FANCA: variants seen among roughly 807,000 people sequenced by gnomAD.
The protein encoded by FANCA is FA complementation group A, also known as Fanconi anemia group A protein.
In FANCA, 236 loss-of-function variants were observed where a neutral mutation model predicts 194.3. That is an observed-to-expected ratio of 1.21 (90% confidence interval 1.09 to 1.35). FANCA has a LOEUF of 1.35. Among genes scored for constraint, FANCA ranks in the 40% most tolerant of loss-of-function variants. The pLI is 0.00. For synonymous variants in FANCA, 1,014 were observed against 715.8 expected, an observed-to-expected ratio of 1.42 and a Z score of -6.65; for missense variants, 2,628 against 1,813.9, an observed-to-expected ratio of 1.45 and a Z score of -8.15.
chr16:89,745,279 C>T (rs533760723), intron 35 of FANCA, among the ~76,000 whole-genome samples: 2 of 152,342 alleles, frequency 1.3e-5, no homozygotes, highest in Non-Finnish European at 2.9e-5. Flanking sequence ...TCATGGAAGA[C>T]GTGGAATTTG....
chr16:89,771,872 G>A (rs1456149279), intron 22 of FANCA, 58 bp from the exon 23 acceptor site: 2 of 1,602,634 alleles, frequency 1.2e-6, no homozygotes, highest in African/African-American at 1.3e-5. Context: ...GGATACAGCT[G>A]CGGCCTAGAG....
At chr16:89,813,267 G>C (rs865836754) in intron 3 of FANCA, among the ~76,000 whole-genome samples, 7 of 152,004 alleles carry the variant, frequency 4.6e-5, no homozygotes, top group South Asian at 2.1e-4. Context: ...AATTAGCCAG[G>C]CATGGTGGCG....
intron 26 of FANCA, among the ~76,000 whole-genome samples, chr16:89,767,589 G>A (rs776760023): frequency 2.6e-5 from 4 of 151,750 alleles, no homozygotes; most frequent in African/African-American, 9.7e-5. Context: ...TTGCTCTGTT[G>A]CCAAGCCGGA....
chr16:89,739,705 CCTGT>C, intron 39 of FANCA, 152 bp from the exon 40 acceptor site: 1 of 1,511,222 alleles, frequency 6.6e-7, no homozygotes, highest in Non-Finnish European at 8.9e-7. Flanking sequence ...TACCCAGGTA[CCTGT>C]CAGCAGCTGG....
rs764209186 is a variant in FANCA at position 89,795,917 on chromosome 16, G to A, written c.995C>T (p.Pro332Leu). The stretch of plus-strand genomic sequence containing the variant: ...CACACTGGGCCTACCTTTCAGCACA[G>A]GGCTGTGAGTGAGTATCTGAGTCAG... ...HTLTQILTHS[P>L]VLKASDAVQM... The change falls in exon 11 of 43, where the codon CCT becomes CTT. Residue 332 changes from proline (P) to leucine (L), a missense_variant. Coordinates refer to ENST00000389301, the MANE Select transcript of FANCA (RefSeq NM_000135.4). 1 of 1,613,248 alleles carries A rather than the reference G, an allele frequency of 6.2e-7. No homozygotes were observed. Among genetic ancestry groups the A allele is most frequent in the African/African-American group, 1.3e-5 (1 of 74,902 alleles).
chr16:89,762,520 G>A (rs962131422), intron 28 of FANCA: 15 of 222,774 alleles, frequency 6.7e-5, no homozygotes, highest in Non-Finnish European at 1.3e-4. Context: ...CTTGAGCCCA[G>A]GAGGTCAAGG....
At chr16:89,796,323 C>T (rs2143561027) in intron 10 of FANCA, among the ~76,000 whole-genome samples, 1 of 152,288 alleles carries the variant, frequency 6.6e-6, no homozygotes, top group African/African-American at 2.4e-5. Context: ...TTGGGAAGGG[C>T]AGGCCGCGCC....
chr16:89,752,662 C>G (rs1598082022), intron 30 of FANCA, among the ~76,000 whole-genome samples: 1 of 152,128 alleles, frequency 6.6e-6, no homozygotes, highest in Non-Finnish European at 1.5e-5. Context: ...CTAGGAAAAA[C>G]CAGGCCATAC....
intron 14 of FANCA, among the ~76,000 whole-genome samples, chr16:89,790,129 C>A (rs547288655): frequency 1.3e-5 from 2 of 152,310 alleles, no homozygotes; most frequent in East Asian, 3.9e-4. Context: ...AGGCTGGGCA[C>A]GGTGGCTCAT....
chr16:89,813,581 C>T (rs1213766273), intron 3 of FANCA, among the ~76,000 whole-genome samples: 1 of 152,022 alleles, frequency 6.6e-6, no homozygotes, highest in Non-Finnish European at 1.5e-5. Context: ...TACAGGCACC[C>T]ACCACCACAC....
In FANCA at chr16:89,743,026, T is replaced by G. The variant is rs1055948131; in HGVS notation, c.3627-88A>C. The G allele has an allele frequency of 2.7e-6, 4 of 1,479,852 alleles. No homozygotes were observed. In the African/African-American group the frequency reaches 5.6e-5, roughly 21 times the overall value. 91.7% of individuals were successfully genotyped at this position (1,479,852 alleles called of 1,614,324 possible). A position where few individuals can be genotyped will look rare whatever the true frequency, so the allele number is the denominator to read the frequency against. Reference sequence around the variant, plus strand: ...CAAGTCCTTATTCCCACCTGTCACCTTTGGGGCCTGCCTTTCCATCAGAGG... The same window carrying G: ...CAAGTCCTTATTCCCACCTGTCACCGTTGGGGCCTGCCTTTCCATCAGAGG... On this transcript the variant is annotated intron_variant, in intron 36 of 42. Coordinates refer to ENST00000389301, the MANE Select transcript of FANCA (RefSeq NM_000135.4).
Position 89,810,983 on chromosome 16 carries a change from G to C in FANCA, c.372C>G (p.Ile124Met), listed in dbSNP as rs765016775. The C allele has an allele frequency of 2.5e-6, 4 of 1,614,114 alleles. No homozygotes were observed. The highest frequency in any genetic ancestry group is 2.2e-5 in the East Asian group (1 of 44,892). The part of the protein sequence containing the change: ...AGMVASSVGQ[I>M]CTAPAETSHP... ...GACTGGTCTCCGCTGGAGCCGTGCA[G>C]ATCTGTCCCACGCTAGAGGCAACCA... Residue 124 changes from isoleucine (I) to methionine (M), a missense_variant, in exon 4 of 43, where the codon ATC becomes ATG. Transcript: ENST00000389301.
In FANCA at chr16:89,738,134, C is replaced by T. The variant is rs766890599; in HGVS notation, c.*467G>A. The T allele has an allele frequency of 1.3e-5, 21 of 1,613,714 alleles. No homozygotes were observed. Among genetic ancestry groups the T allele is most frequent in the East Asian group, 8.9e-5 (4 of 44,872 alleles). On this transcript the variant is annotated 3_prime_UTR_variant, in exon 43 of 43. Coordinates refer to ENST00000389301, the MANE Select transcript of FANCA (RefSeq NM_000135.4). Reference sequence around the variant, plus strand: ...AATGTACACATGTCCATGGTGCACCCGCTGACACAGACCCAGGACAAGGCC... The same window carrying T: ...AATGTACACATGTCCATGGTGCACCTGCTGACACAGACCCAGGACAAGGCC...
Position 89,814,617 on chromosome 16 carries a change from G to C in FANCA, c.190-4C>G, listed in dbSNP as rs758609210. 2 of 1,608,484 alleles carry C rather than the reference G, an allele frequency of 1.2e-6. No homozygotes were observed. Among genetic ancestry groups the C allele is most frequent in the Middle Eastern group, 1.6e-4 (1 of 6,076 alleles). ...TTTTACACAGTGGACCTTCTACCTA[G>C]AATCCAAAACACAACAAACTCCATT... On this transcript the variant is annotated splice_polypyrimidine_tract_variant and splice_region_variant and intron_variant, in intron 2 of 42. Transcript: ENST00000389301.
At chr16:89,798,473 G>T in intron 10 of FANCA, 6 of 1,094,860 alleles carry the variant, frequency 5.5e-6, no homozygotes, top group Non-Finnish European at 6.7e-6. Context: ...GCAAAATAAA[G>T]AATGAAAAGG....
intron 36 of FANCA, 157 bp downstream of exon 36, chr16:89,744,802 G>A (rs528225571): frequency 3.5e-5 from 25 of 720,444 alleles, no homozygotes; most frequent in South Asian, 1.5e-4. Flanking sequence ...GATTACAGGC[G>A]CCCACCACCA....
At chr16:89,753,811 T>A (rs908048541) in intron 30 of FANCA, among the ~76,000 whole-genome samples, 1 of 152,112 alleles carries the variant, frequency 6.6e-6, no homozygotes, top group African/African-American at 2.4e-5. Context: ...TCCCAGCACT[T>A]TGGGAGGCCG....
intron 3 of FANCA, among the ~76,000 whole-genome samples, chr16:89,812,660 A>AAC (rs754226843): frequency 0.061 from 9,124 of 149,624 alleles, 593 homozygotes; most frequent in South Asian, 0.1. Flanking sequence ...AAAAAAAAAA[A>AAC]AAAAAAAAAA....
chr16:89,768,410 G>A (rs2039203118), intron 26 of FANCA, among the ~76,000 whole-genome samples: 1 of 152,096 alleles, frequency 6.6e-6, no homozygotes, highest in Non-Finnish European at 1.5e-5. Flanking sequence ...GCTCACACCT[G>A]TAATCCTAAC....
Sources: gnomAD v4.1 joint callset for allele counts (sites outside exome capture counted in the v4.1 genomes callset) on GRCh38, gnomAD v4.1.1 for gene constraint, MANE v1.5 for transcripts, NCBI Gene and HGNC (gene_info 2026-07-23, HGNC 2026-07-21) for gene names.